TPTE2: variants seen among roughly 807,000 people sequenced by gnomAD.
TPTE2 encodes phosphatidylinositol 3,4,5-trisphosphate 3-phosphatase TPTE2.
TPTE2 carries 53 observed loss-of-function variants against 78.6 expected under a neutral mutation model. The ratio of observed to expected loss-of-function variants is 0.67; its 90% CI spans 0.54 to 0.85. TPTE2 has a LOEUF of 0.85. Among genes scored for constraint, TPTE2 ranks in the 40% least tolerant of loss-of-function variants. The probability of loss-of-function intolerance (pLI) is 0.00; values close to 1 mark genes in which losing one functional copy is unlikely to be tolerated. For synonymous variants in TPTE2, 175 were observed against 206.2 expected (o/e 0.85, Z 1.30); for missense variants, 461 against 623.0 (o/e 0.74, Z 2.77).
intron 1 of TPTE2, among the ~76,000 whole-genome samples, chr13:19,496,807 C>T (rs1411572189): frequency 1.3e-5 from 2 of 152,074 alleles, no homozygotes; most frequent in African/African-American, 4.8e-5. Context: ...CCAAGATGGC[C>T]GAACAGGAAC....
At chr13:19,537,823 T>G (rs1183704629), upstream of TPTE2, among the ~76,000 whole-genome samples, 1 of 151,900 alleles carries the variant, frequency 6.6e-6, no homozygotes, top group Non-Finnish European at 1.5e-5. Context: ...CAGGCTGGTC[T>G]CAAACTCCTG....
chr13:19,548,382 C>T, the TPTE2 span, among the ~76,000 whole-genome samples: 85,427 of 135,550 alleles, frequency 0.63, 29,699 homozygotes, highest in East Asian at 0.88. Context: ...CTTTACACTT[C>T]CCCTAATTTT....
the TPTE2 span, chr13:19,561,419 C>A: frequency 4.5e-6 from 2 of 440,476 alleles, no homozygotes; most frequent in Non-Finnish European, 7.9e-6. Flanking sequence ...GCCCCGCCCC[C>A]CAACCTAAGC....
At chr13:19,427,020 T>C (rs1210460736) in intron 17 of TPTE2, among the ~76,000 whole-genome samples, 2 of 148,604 alleles carry the variant, frequency 1.3e-5, no homozygotes, top group Admixed American at 1.3e-4. Context: ...TTATGTCTTT[T>C]AAAGGCCAAC....
the TPTE2 span, among the ~76,000 whole-genome samples, chr13:19,551,891 A>G: frequency 6.6e-6 from 1 of 152,200 alleles, no homozygotes; most frequent in African/African-American, 2.4e-5. Flanking sequence ...AAGTAAATCA[A>G]TCTTTTCTAA....
chr13:19,482,525 A>C (rs1880419459), exon 4 of TPTE2: 1 of 1,612,864 alleles, frequency 6.2e-7, no homozygotes, highest in Non-Finnish European at 8.5e-7. Context: ...TCAACTTCAA[A>C]CTTGGAAAGT....
chr13:19,438,089 T>C lies in TPTE2; in HGVS notation c.1035+3A>G. 6.2e-7 allele frequency: 1 copy of C among 1,606,456 alleles called. No individual in the cohort carries two copies. The highest frequency in any genetic ancestry group is 1.1e-5 in the South Asian group (1 of 89,832). On this transcript the variant is annotated splice_donor_region_variant and intron_variant, in intron 14 of 19. Transcript: ENST00000400230. ...GAGAAAGTTTGTAGAACATCTTTCATACCTCGGCAGTTAAAAATATTTCGG... is the reference window on the plus strand; with the variant it reads ...GAGAAAGTTTGTAGAACATCTTTCACACCTCGGCAGTTAAAAATATTTCGG...
In TPTE2 at chr13:19,438,456, G is replaced by A. The variant is rs940404364; in HGVS notation, c.974-303C>T. Reference sequence around the variant, plus strand: ...AATTCATGTCTTTTATAATTTTTTTGGATAATAGTAAAAAAGAAAAATTCC... The same window carrying A: ...AATTCATGTCTTTTATAATTTTTTTAGATAATAGTAAAAAAGAAAAATTCC... On this transcript the variant is annotated intron_variant, in intron 13 of 19. Coordinates refer to ENST00000400230, the Ensembl canonical transcript of TPTE2. The A allele has an allele frequency of 5.1e-6, 5 of 983,820 alleles. No homozygotes were observed. In the African/African-American group the frequency reaches 8.8e-5, roughly 17 times the overall value. The allele number at this position is 983,820 out of a possible 1,614,324, so 60.9% of individuals were successfully genotyped here. A position where few individuals can be genotyped will look rare whatever the true frequency, so the allele number is the denominator to read the frequency against.
chr13:19,554,661 A>T, the TPTE2 span, among the ~76,000 whole-genome samples: 1 of 152,218 alleles, frequency 6.6e-6, no homozygotes, highest in African/African-American at 2.4e-5. Flanking sequence ...CATAGATTGC[A>T]TATGATCTAT....
chr13:19,430,572 AAGTT>A, intron 16 of TPTE2, 25 bp from the exon 20 acceptor site: 1 of 1,573,644 alleles, frequency 6.4e-7, no homozygotes, highest in Non-Finnish European at 8.7e-7. Context: ...TGAAATTAAA[AAGTT>A]AGGTTGGTTA....
chr13:19,543,451 G>A, the TPTE2 span, among the ~76,000 whole-genome samples: 19 of 151,092 alleles, frequency 1.3e-4, 1 homozygote, highest in South Asian at 4.2e-4. Flanking sequence ...CTCTGCACCC[G>A]GGTTCAAGTG....
intron 6 of TPTE2, among the ~76,000 whole-genome samples, chr13:19,468,519 T>TG (rs1024309652): frequency 6.6e-6 from 1 of 152,180 alleles, no homozygotes; most frequent in African/African-American, 2.4e-5. Flanking sequence ...TCCTTTCTTG[T>TG]GGGTATCTAC....
chr13:19,426,333 C>A (rs1403018096), intron 18 of TPTE2, 92 bp downstream of exon 21: 2 of 908,832 alleles, frequency 2.2e-6, no homozygotes, highest in Non-Finnish European at 3.7e-6. Context: ...CCCCCTCCCC[C>A]TCCCTTGTTG....
At chr13:19,467,202 G>A (rs762894697) in intron 7 of TPTE2, 23 bp downstream of exon 10, 67 of 1,559,226 alleles carry the variant, frequency 4.3e-5, no homozygotes, top group Non-Finnish European at 5.5e-5. Flanking sequence ...AACTTTAAGA[G>A]AGGTAAGTCT....
chr13:19,466,319 T>C (rs560874218), intron 7 of TPTE2, among the ~76,000 whole-genome samples: 7 of 152,194 alleles, frequency 4.6e-5, no homozygotes, highest in Admixed American at 6.5e-5. Context: ...CTGAGGTTTC[T>C]AGTCAGAGAA....
intron 10 of TPTE2, 135 bp downstream of exon 13, chr13:19,464,321 C>A (rs1189847233): frequency 3.9e-5 from 36 of 914,300 alleles, no homozygotes; most frequent in Middle Eastern, 2.3e-4. Context: ...TAACTGGTAT[C>A]AATCCATTAT....
At chr13:19,523,327 C>T (rs1001171989) in intron 1 of TPTE2, among the ~76,000 whole-genome samples, 4 of 152,098 alleles carry the variant, frequency 2.6e-5, no homozygotes, top group East Asian at 3.9e-4. Flanking sequence ...AATAAATGCT[C>T]CCAAGATTGC....
At chr13:19,469,157 T>A (rs1258616687) in intron 6 of TPTE2, among the ~76,000 whole-genome samples, 1 of 152,228 alleles carries the variant, frequency 6.6e-6, no homozygotes, top group Non-Finnish European at 1.5e-5. Flanking sequence ...TTCATTGAGG[T>A]CTTAGATTTA....
At chr13:19,493,307 G>A (rs1881113995) in intron 2 of TPTE2, 141 bp downstream of exon 5, 3 of 774,216 alleles carry the variant, frequency 3.9e-6, no homozygotes, top group Non-Finnish European at 6.5e-6. Context: ...TACGCGTGTT[G>A]AAGAGAAGTG....
Sources: allele counts gnomAD v4.1 joint callset (sites outside exome capture counted in the v4.1 genomes callset), GRCh38; gene constraint gnomAD v4.1.1; transcripts MANE v1.5; gene names NCBI Gene and HGNC (gene_info 2026-07-23, HGNC 2026-07-21).